Variants in PCDH9 observed in about 807,000 individuals in gnomAD.
PCDH9 encodes protocadherin-9.
PCDH9 carries 24 observed loss-of-function variants against 70.6 expected under a neutral mutation model. The observed-to-expected ratio is 0.34, with a 90% CI of 0.25 to 0.48. The LOEUF (loss-of-function observed/expected upper bound fraction) is 0.48. Ranked by LOEUF, PCDH9 falls within the 20% of genes least tolerant of loss-of-function variation. The pLI, the probability that PCDH9 is intolerant of heterozygous loss-of-function variation, is 0.99. For synonymous variants in PCDH9, 562 were observed against 558.5 expected (o/e 1.01, Z -0.09); for missense variants, 1,281 against 1,503.6 (o/e 0.85, Z 2.45).
chr13:67,005,956 G>T (rs1050180380), intron 2 of PCDH9, among the ~76,000 whole-genome samples: 16 of 152,316 alleles, frequency 1.1e-4, no homozygotes, highest in African/African-American at 3.8e-4. Flanking sequence ...GCCAGGCGCG[G>T]CGGCTCACGC....
intron 3 of PCDH9, among the ~76,000 whole-genome samples, chr13:66,693,111 T>A (rs1029361644): frequency 3.9e-5 from 6 of 152,130 alleles, no homozygotes; most frequent in African/African-American, 1.4e-4. Context: ...GGCAAATATT[T>A]TATTCCACGT....
At chr13:66,366,634 C>G (rs1162900487) in intron 4 of PCDH9, among the ~76,000 whole-genome samples, 1 of 151,938 alleles carries the variant, frequency 6.6e-6, no homozygotes, top group Non-Finnish European at 1.5e-5. Flanking sequence ...AGTAATCCCT[C>G]TAAGATAGAG....
intron 2 of PCDH9, among the ~76,000 whole-genome samples, chr13:67,006,618 A>G (rs146113556): frequency 8.0e-4 from 122 of 152,342 alleles, no homozygotes; most frequent in African/African-American, 2.9e-3. Flanking sequence ...GCGAAGGGAT[A>G]TATTAAAAAC....
chr13:67,072,344 C>T (rs555396209), intron 2 of PCDH9, among the ~76,000 whole-genome samples: 1 of 152,122 alleles, frequency 6.6e-6, no homozygotes, highest in Non-Finnish European at 1.5e-5. Flanking sequence ...ATAAGACACT[C>T]AAACTCAGAA....
intron 4 of PCDH9, among the ~76,000 whole-genome samples, chr13:66,331,306 C>A (rs1364913268): frequency 6.6e-6 from 1 of 152,086 alleles, no homozygotes; most frequent in Non-Finnish European, 1.5e-5. Context: ...GGGAAAAATC[C>A]AGTCTTGGCA....
At chr13:66,538,899 G>T (rs567285805) in intron 4 of PCDH9, among the ~76,000 whole-genome samples, 151 of 152,124 alleles carry the variant, frequency 9.9e-4, no homozygotes, top group Non-Finnish European at 1.7e-3. Flanking sequence ...TTATTCTTCA[G>T]TGAGAAGCGT....
At chr13:66,516,859 T>A (rs890111290) in intron 4 of PCDH9, among the ~76,000 whole-genome samples, 2 of 152,126 alleles carry the variant, frequency 1.3e-5, no homozygotes, top group African/African-American at 4.8e-5. Flanking sequence ...ATTAAGAATA[T>A]CTTTCCTGTT....
chr13:66,830,253 G>T (rs60134261), intron 3 of PCDH9, among the ~76,000 whole-genome samples: 2,614 of 152,166 alleles, frequency 0.017, 71 homozygotes, highest in African/African-American at 0.058. Flanking sequence ...TAGACAGGTG[G>T]CTCACACCCA....
chr13:67,135,756 A>T (rs2087218393), intron 2 of PCDH9, among the ~76,000 whole-genome samples: 1 of 152,150 alleles, frequency 6.6e-6, no homozygotes, highest in African/African-American at 2.4e-5. Flanking sequence ...GAATTAGGAG[A>T]AATTGTAGTA....
intron 4 of PCDH9, among the ~76,000 whole-genome samples, chr13:66,494,022 C>A (rs1206953856): frequency 6.6e-6 from 1 of 151,902 alleles, no homozygotes; most frequent in Non-Finnish European, 1.5e-5. Flanking sequence ...ATTTTTAAGA[C>A]TTATGAATTA....
intron 2 of PCDH9, chr13:67,216,162 G>A (rs954823052): frequency 2.0e-5 from 3 of 152,008 alleles, no homozygotes; most frequent in Non-Finnish European, 2.9e-5. Context: ...ATAACCCTTA[G>A]CTAAAGCAGA....
At chr13:66,614,898 A>C (rs61960070) in intron 4 of PCDH9, among the ~76,000 whole-genome samples, 7 of 152,148 alleles carry the variant, frequency 4.6e-5, no homozygotes, top group African/African-American at 1.7e-4. Context: ...GGGACCTCAC[A>C]TTTTGTATTT....
chr13:66,445,043 T>C (rs970491547), intron 4 of PCDH9, among the ~76,000 whole-genome samples: 1 of 147,534 alleles, frequency 6.8e-6, no homozygotes, highest in African/African-American at 2.5e-5. Context: ...ATCTTTTCAC[T>C]ATATATATAA....
intron 4 of PCDH9, among the ~76,000 whole-genome samples, chr13:66,407,365 CA>C (rs773730995): frequency 1.1e-4 from 16 of 152,190 alleles, no homozygotes; most frequent in Non-Finnish European, 1.9e-4. Flanking sequence ...ATAAGGGACA[CA>C]GGTTTGGACT....
intron 2 of PCDH9, among the ~76,000 whole-genome samples, chr13:67,188,230 G>A (rs989644444): frequency 3.9e-5 from 6 of 152,094 alleles, no homozygotes; most frequent in African/African-American, 1.2e-4. Flanking sequence ...ATGGCAAGTC[G>A]CTTACCTTGC....
At chr13:66,902,837 T>C (rs1463065152) in intron 3 of PCDH9, among the ~76,000 whole-genome samples, 4 of 151,652 alleles carry the variant, frequency 2.6e-5, no homozygotes, top group South Asian at 4.1e-4. Context: ...ACATGAAAGA[T>C]AGTAGATTTC....
intron 4 of PCDH9, among the ~76,000 whole-genome samples, chr13:66,374,928 G>C (rs1956722111): frequency 6.6e-6 from 1 of 152,032 alleles, no homozygotes; most frequent in Admixed American, 6.6e-5. Context: ...GGACAATTCA[G>C]ATCAGAAAAA....
At chr13:66,684,281 T>C (rs2078368735) in intron 3 of PCDH9, among the ~76,000 whole-genome samples, 1 of 152,190 alleles carries the variant, frequency 6.6e-6, no homozygotes, top group Non-Finnish European at 1.5e-5. Context: ...ATCATTTCTC[T>C]GATTTAACCT....
intron 2 of PCDH9, chr13:67,210,487 T>C (rs562749942): frequency 6.6e-6 from 1 of 152,042 alleles, no homozygotes; most frequent in African/African-American, 2.4e-5. Context: ...AACACTGATG[T>C]GCACTATTTG....
Sources: gnomAD v4.1 joint callset for allele counts (sites outside exome capture counted in the v4.1 genomes callset) on GRCh38, gnomAD v4.1.1 for gene constraint, MANE v1.5 for transcripts, NCBI Gene and HGNC (gene_info 2026-07-23, HGNC 2026-07-21) for gene names.